Variants in GGT7 observed in about 807,000 individuals in gnomAD.
The protein encoded by GGT7 is gamma-glutamyltransferase 7.
A neutral mutation model predicts 69.2 loss-of-function variants in GGT7; 30 were observed. That is an observed-to-expected ratio of 0.43 (90% confidence interval 0.32 to 0.59). The LOEUF (loss-of-function observed/expected upper bound fraction) is 0.59, where lower values mean the gene tolerates loss of function less well. Among genes scored for constraint, GGT7 ranks in the 20% least tolerant of loss-of-function variants. The pLI is 0.05. For missense variants in GGT7, 733 were observed against 901.1 expected (o/e 0.81, Z 2.39); for synonymous variants, 388 against 391.8 (o/e 0.99, Z 0.12).
chr20:34,849,178 T>A (rs1361685988), intron 14 of GGT7, among the ~76,000 whole-genome samples: 1 of 151,222 alleles, frequency 6.6e-6, no homozygotes, highest in South Asian at 2.1e-4. Flanking sequence ...TTTTTTTTTT[T>A]AGGAGATAGG....
chr20:34,845,598 G>C, intron 14 of GGT7, 107 bp from the exon 15 acceptor site: 1 of 915,718 alleles, frequency 1.1e-6, no homozygotes, highest in Non-Finnish European at 1.7e-6. Flanking sequence ...CCACAGAGCT[G>C]TATGACCTTG....
Position 34,859,632 on chromosome 20 carries a change from G to A in GGT7, c.825C>T (p.Ala275=), listed in dbSNP as rs755512700. The change falls in exon 7 of 15, where the codon GCC becomes GCT. Residue 275 remains alanine (A), a synonymous_variant. Transcript: ENST00000336431. ...GFNVTHDLAR[A]LAEQLPPNMS... ...TGTTGGGTGGCAGCTGTTCAGCCAG[G>A]GCACGGGCTAGGGGCAGGGACGGGA... 1.1e-5 allele frequency: 17 copies of A among 1,595,166 alleles called. No homozygotes were observed. The highest frequency in any genetic ancestry group is 8.6e-6 in the Non-Finnish European group (10 of 1,169,294).
chr20:34,866,574 ATTTTTG>A (rs747180745), intron 1 of GGT7, among the ~76,000 whole-genome samples: 6 of 149,510 alleles, frequency 4.0e-5, no homozygotes, highest in South Asian at 2.1e-4. Flanking sequence ...TGAACATGTA[ATTTTTG>A]TTTTTGTTTT....
Position 34,872,833 on chromosome 20 carries a change from A to T in GGT7, c.-18T>A. On this transcript the variant is annotated 5_prime_UTR_variant, in exon 1 of 15. Transcript: ENST00000336431. ...GCCGCCATCCTCGCCCGCGCCCCCCAGCAGCGCAGCGCCTGCCGGAAGTGG... is the reference window on the plus strand; with the variant it reads ...GCCGCCATCCTCGCCCGCGCCCCCCTGCAGCGCAGCGCCTGCCGGAAGTGG... 1.5e-6 allele frequency: 2 copies of T among 1,331,986 alleles called. No homozygotes were observed. Among genetic ancestry groups the T allele is most frequent in the Non-Finnish European group, 1.9e-6 (2 of 1,034,364 alleles). The allele number at this position is 1,331,986 out of a possible 1,614,324, so 82.5% of individuals were successfully genotyped here.
At position 34,845,355 on chromosome 20, in the gene GGT7, T is replaced by C; in HGVS notation, c.1962A>G (p.Pro654=). The change falls in exon 15 of 15, where the codon CCA becomes CCG. Residue 654 remains proline, a synonymous_variant. Coordinates refer to ENST00000336431, the MANE Select transcript of GGT7 (RefSeq NM_178026.3). ...FIIAVKDPRS[P]DAAGATIL ...ACAGGATGGTGGCTCCAGCTGCATCTGGGCTCCGAGGGTCCTTAACAGCGA... is the reference window on the plus strand; with the variant it reads ...ACAGGATGGTGGCTCCAGCTGCATCCGGGCTCCGAGGGTCCTTAACAGCGA... The C allele has an allele frequency of 6.2e-7, 1 of 1,614,040 alleles. No homozygotes were observed. Among genetic ancestry groups the C allele is most frequent in the East Asian group, 2.2e-5 (1 of 44,886 alleles).
At chr20:34,858,785 C>T (rs987685593) in intron 7 of GGT7, among the ~76,000 whole-genome samples, 2 of 152,182 alleles carry the variant, frequency 1.3e-5, no homozygotes, top group African/African-American at 4.8e-5. Flanking sequence ...GAGGCCGATA[C>T]TGGGTCTCCA....
At position 34,856,816 on chromosome 20, in the gene GGT7, G is replaced by T; in HGVS notation, c.1092C>A (p.Gly364=). Residue 364 remains glycine (G), a synonymous_variant, in exon 8 of 15, where the codon GGC becomes GGA. Coordinates refer to ENST00000336431, the MANE Select transcript of GGT7 (RefSeq NM_178026.3). ...CGGGGGAGAGGTCACCTCTGTACACGCCACACACAGGCTTCTCCACAAGGG... is the reference window on the plus strand; with the variant it reads ...CGGGGGAGAGGTCACCTCTGTACACTCCACACACAGGCTTCTCCACAAGGG... ...YSALVEKPVC[G]VYRGHLVLSP... The T allele has an allele frequency of 1.2e-6, 2 of 1,601,956 alleles. No homozygotes were observed. Among genetic ancestry groups the T allele is most frequent in the Non-Finnish European group, 1.7e-6 (2 of 1,169,842 alleles).
rs774582507 is a variant in GGT7, at chr20:34,859,440, T to C, written c.1014+3A>G. 6.4e-7 allele frequency: 1 copy of C among 1,574,528 alleles called. No homozygotes were observed. Among genetic ancestry groups the C allele is most frequent in the Non-Finnish European group, 8.7e-7 (1 of 1,152,224 alleles). ...CCCCCACCCGCACAACACGAGCACT[T>C]ACCTCGGCCACCATCTCCAGTGTGA... On this transcript the variant is annotated splice_donor_region_variant and intron_variant, in intron 7 of 14. Coordinates refer to ENST00000336431, the MANE Select transcript of GGT7 (RefSeq NM_178026.3).
intron 1 of GGT7, among the ~76,000 whole-genome samples, chr20:34,869,992 G>C (rs2079755079): frequency 6.6e-6 from 1 of 152,150 alleles, no homozygotes; most frequent in Non-Finnish European, 1.5e-5. Flanking sequence ...TGGGGTGCCT[G>C]GCACTTGGGT....
At chr20:34,857,870 T>C (rs2079521570) in intron 7 of GGT7, among the ~76,000 whole-genome samples, 1 of 152,190 alleles carries the variant, frequency 6.6e-6, no homozygotes, top group African/African-American at 2.4e-5. Flanking sequence ...CCACCCATCT[T>C]GGCCTCCCAA....
chr20:34,854,039 T>C (rs775839940), intron 10 of GGT7, among the ~76,000 whole-genome samples: 12 of 152,074 alleles, frequency 7.9e-5, no homozygotes, highest in Non-Finnish European at 1.3e-4. Flanking sequence ...CGGGTTCAAG[T>C]GATTCTCCTG....
At chr20:34,847,614 G>A (rs929574711) in intron 14 of GGT7, among the ~76,000 whole-genome samples, 1 of 152,132 alleles carries the variant, frequency 6.6e-6, no homozygotes, top group Non-Finnish European at 1.5e-5. Flanking sequence ...GCTCTCTAAC[G>A]CTTCCTAATC....
Position 34,845,138 on chromosome 20 carries a change from ACC to A in GGT7, c.*188_*189del. The A allele has an allele frequency of 3.2e-6, 1 of 317,250 alleles. No homozygotes were observed. The highest frequency in any genetic ancestry group is 6.0e-6 in the Non-Finnish European group (1 of 166,970). 19.7% of individuals were successfully genotyped at this position (317,250 alleles called of 1,614,324 possible). On this transcript the variant is annotated 3_prime_UTR_variant, in exon 15 of 15. Transcript: ENST00000336431. Reference sequence around the variant, plus strand: ...CACCACCACCACCACCACCACCACCACCACCACCACCACCACAGGCCTCCTGA... The same window carrying A: ...CACCACCACCACCACCACCACCACCAACCACCACCACCACAGGCCTCCTGA...
At chr20:34,849,215 G>A (rs1050763849) in intron 14 of GGT7, among the ~76,000 whole-genome samples, 1 of 151,134 alleles carries the variant, frequency 6.6e-6, no homozygotes, top group Non-Finnish European at 1.5e-5. Flanking sequence ...CAGGCTGTAG[G>A]GCAGTGGCGT....
At position 34,859,611 on chromosome 20, in the gene GGT7, G is replaced by A. The variant is rs751307587; in HGVS notation, c.846C>T (p.Pro282=). 2 of 1,599,464 alleles carry A rather than the reference G, an allele frequency of 1.3e-6. No homozygotes were observed. Among genetic ancestry groups the A allele is most frequent in the Non-Finnish European group, 1.7e-6 (2 of 1,172,082 alleles). Residue 282 remains proline (P), a synonymous_variant, in exon 7 of 15, where the codon CCC becomes CCT. Transcript: ENST00000336431. ...LARALAEQLP[P]NMSERFRETF... ...TCTCCCGGAAGCGCTCGGACATGTT[G>A]GGTGGCAGCTGTTCAGCCAGGGCAC...
At chr20:34,867,138 T>TGTTC (rs2079704661) in intron 1 of GGT7, among the ~76,000 whole-genome samples, 1 of 152,000 alleles carries the variant, frequency 6.6e-6, no homozygotes. Flanking sequence ...TTCCCCAGGC[T>TGTTC]GTTCTCAAAC....
chr20:34,860,213 T>G, intron 5 of GGT7, 41 bp downstream of exon 5: 1 of 1,466,820 alleles, frequency 6.8e-7, no homozygotes, highest in East Asian at 2.3e-5. Flanking sequence ...CAAGGAGAGA[T>G]GCAAACGGGG....
At chr20:34,868,161 C>T (rs559425364) in intron 1 of GGT7, among the ~76,000 whole-genome samples, 23 of 152,296 alleles carry the variant, frequency 1.5e-4, no homozygotes, top group Admixed American at 9.8e-4. Flanking sequence ...CCACTGTGCC[C>T]GGCCCTAGGT....
chr20:34,855,350 CA>C (rs1174860241), intron 8 of GGT7, among the ~76,000 whole-genome samples: 1 of 152,228 alleles, frequency 6.6e-6, no homozygotes, highest in Non-Finnish European at 1.5e-5. Context: ...TTCTTGGCAG[CA>C]GCAACCTTCT....
Sources: gnomAD v4.1 joint callset for allele counts (sites outside exome capture counted in the v4.1 genomes callset) on GRCh38, gnomAD v4.1.1 for gene constraint, MANE v1.5 for transcripts, NCBI Gene and HGNC (gene_info 2026-07-23, HGNC 2026-07-21) for gene names.